LRIG3: variants seen among roughly 807,000 people sequenced by gnomAD.
LRIG3 encodes the protein leucine-rich repeats and immunoglobulin-like domains protein 3.
A neutral mutation model predicts 114.5 loss-of-function variants in LRIG3; 76 were observed. That is an observed-to-expected ratio of 0.66 (90% confidence interval 0.55 to 0.80). The LOEUF (loss-of-function observed/expected upper bound fraction) is 0.80, where lower values mean the gene tolerates loss of function less well. LRIG3 is among the 30% of genes least tolerant of loss of function. LRIG3 has a pLI of 0.00. For synonymous variants in LRIG3, 512 were observed against 519.8 expected (o/e 0.98, Z 0.20); for missense variants, 1,239 against 1,382.8 (o/e 0.90, Z 1.65).
intron 6 of LRIG3, 92 bp from the exon 7 acceptor site, chr12:58,888,564 C>T: frequency 6.7e-7 from 1 of 1,489,340 alleles, no homozygotes; most frequent in Non-Finnish European, 9.1e-7. Flanking sequence ...TTACAGATTC[C>T]TATTGTTATT....
intron 3 of LRIG3, among the ~76,000 whole-genome samples, chr12:58,903,631 G>A (rs1239292783): frequency 1.9e-4 from 29 of 151,884 alleles, no homozygotes; most frequent in African/African-American, 6.8e-4. Context: ...TGGACATGAA[G>A]TCCTTGCCCA....
intron 14 of LRIG3, 109 bp downstream of exon 14, chr12:58,878,715 C>T: frequency 7.9e-7 from 1 of 1,265,164 alleles, no homozygotes; most frequent in Non-Finnish European, 1.1e-6. Context: ...AGGCAATGCC[C>T]CATACATCTT....
At chr12:58,883,636 T>C (rs1293946157) in intron 10 of LRIG3, 45 bp from the exon 11 acceptor site, 3 of 1,438,432 alleles carry the variant, frequency 2.1e-6, no homozygotes, top group Non-Finnish European at 2.8e-6. Context: ...ACTACCATCA[T>C]TTCGTGCTTT....
rs768553949 is a variant in LRIG3 at position 58,890,649 on chromosome 12, A to G, written c.515+16T>C. On this transcript the variant is annotated intron_variant, in intron 4 of 18. Transcript: ENST00000320743. ...CATTACAGGTGAAAGTTTTTGCTAAAGAAAACTTCACTTACAGATATTTGA... is the reference window on the plus strand; with the variant it reads ...CATTACAGGTGAAAGTTTTTGCTAAGGAAAACTTCACTTACAGATATTTGA... 1.4e-5 allele frequency: 22 copies of G among 1,547,754 alleles called. No homozygotes were observed. The South Asian group carries it at 2.7e-4, about 19-fold the overall frequency.
rs1201103933 is a variant in LRIG3, at chr12:58,880,638, C to T, written c.1744G>A (p.Val582Ile). Residue 582 changes from valine to isoleucine, a missense_variant, in exon 13 of 19, where the codon GTC (valine) becomes ATC (isoleucine). Coordinates refer to ENST00000320743, the MANE Select transcript of LRIG3 (RefSeq NM_153377.5). ...GATGAACCAAAGTGATTGGAGATGA[C>T]ACACTGATATTTCCCCTCACTGGCA... is the stretch of plus-strand genomic sequence containing the variant. ...EFASEGKYQC[V>I]ISNHFGSSYS... 1 of 1,614,228 alleles carries T rather than the reference C, an allele frequency of 6.2e-7. No individual in the cohort carries two copies. The highest frequency in any genetic ancestry group is 1.7e-5 in the Admixed American group (1 of 60,032).
chr12:58,914,279 T>C lies in LRIG3; in HGVS notation c.294A>G (p.Gln98=), dbSNP rs767282409. ...FIKASSMSHL[Q]SLREVKLNNN... Reference sequence around the variant, plus strand: ...CGAAGACTCACACTTCTCGAAGGCTTTGAAGGTGGCTCATGGAACTTGCCT... The same window carrying C: ...CGAAGACTCACACTTCTCGAAGGCTCTGAAGGTGGCTCATGGAACTTGCCT... Residue 98 remains glutamine (Q), a synonymous_variant, in exon 2 of 19, where the codon CAA becomes CAG. Transcript: ENST00000320743. 6.2e-7 allele frequency: 1 copy of C among 1,614,034 alleles called. No homozygotes were observed. The highest frequency in any genetic ancestry group is 8.5e-7 in the Non-Finnish European group (1 of 1,179,938).
Position 58,885,819 on chromosome 12 carries a change from C to A in LRIG3, c.1244+12G>T. On this transcript the variant is annotated intron_variant, in intron 10 of 18. Transcript: ENST00000320743. ...GATTCTCTTTTAGGGTAACTAAATT[C>A]TAGCTACTCACAGATGCTCCAATGC... 1 of 1,543,084 alleles carries A rather than the reference C, an allele frequency of 6.5e-7. No individual in the cohort carries two copies. The highest frequency in any genetic ancestry group is 8.8e-7 in the Non-Finnish European group (1 of 1,134,426).
At chr12:58,903,432 T>A (rs1230840394) in intron 3 of LRIG3, among the ~76,000 whole-genome samples, 2 of 152,214 alleles carry the variant, frequency 1.3e-5, no homozygotes, top group Non-Finnish European at 2.9e-5. Flanking sequence ...TTCTTGTAAA[T>A]TTGTTTGAGT....
chr12:58,882,617 C>T (rs1361317969), intron 12 of LRIG3, among the ~76,000 whole-genome samples: 1 of 152,074 alleles, frequency 6.6e-6, no homozygotes, highest in Non-Finnish European at 1.5e-5. Flanking sequence ...TTCCATTCTC[C>T]CAAGATCCAA....
At chr12:58,901,202 A>G (rs1871836160) in intron 3 of LRIG3, among the ~76,000 whole-genome samples, 1 of 152,224 alleles carries the variant, frequency 6.6e-6, no homozygotes, top group Admixed American at 6.5e-5. Context: ...AGTGACAACA[A>G]GCTTACTAAT....
intron 10 of LRIG3, among the ~76,000 whole-genome samples, chr12:58,885,488 G>T (rs1363752628): frequency 6.6e-6 from 1 of 151,622 alleles, no homozygotes; most frequent in African/African-American, 2.4e-5. Context: ...TGAATATGTG[G>T]TACAATGCCT....
Position 58,872,509 on chromosome 12 carries a change from T to G in LRIG3, c.*63A>C. Reference sequence around the variant, plus strand: ...TCCATTTAAAAAACATAAGATTCTCTCTCTTTTAAATAAAAGTTCACTTGA... The same window carrying G: ...TCCATTTAAAAAACATAAGATTCTCGCTCTTTTAAATAAAAGTTCACTTGA... On this transcript the variant is annotated 3_prime_UTR_variant, in exon 19 of 19. Coordinates refer to ENST00000320743, the MANE Select transcript of LRIG3 (RefSeq NM_153377.5). The G allele has an allele frequency of 1.4e-6, 2 of 1,459,810 alleles. No homozygotes were observed. The highest frequency in any genetic ancestry group is 3.1e-5 in the South Asian group (2 of 64,662). The allele number at this position is 1,459,810 out of a possible 1,614,324, so 90.4% of individuals were successfully genotyped here. A position where few individuals can be genotyped will look rare whatever the true frequency, so the allele number is the denominator to read the frequency against.
intron 7 of LRIG3, 145 bp downstream of exon 7, chr12:58,888,184 C>T: frequency 2.3e-5 from 24 of 1,047,310 alleles, no homozygotes; most frequent in Non-Finnish European, 3.2e-5. Flanking sequence ...CTTATCACAA[C>T]AAAAATAAGA....
intron 3 of LRIG3, among the ~76,000 whole-genome samples, chr12:58,896,098 T>C (rs1387414924): frequency 6.6e-6 from 1 of 152,202 alleles, no homozygotes. Flanking sequence ...AGCCCAATAC[T>C]GGCATTTTAA....
At chr12:58,913,945 C>A in intron 3 of LRIG3, 37 bp downstream of exon 3, 3 of 1,571,366 alleles carry the variant, frequency 1.9e-6, no homozygotes, top group South Asian at 1.2e-5. Flanking sequence ...AAGGTTCCTG[C>A]AAACATACAT....
chr12:58,902,823 G>T (rs367703220), intron 3 of LRIG3, among the ~76,000 whole-genome samples: 1 of 148,266 alleles, frequency 6.7e-6, no homozygotes, highest in South Asian at 2.1e-4. Flanking sequence ...TGCAGTGTTT[G>T]GTTTTTCATC....
At position 58,880,082 on chromosome 12, in the gene LRIG3, G is replaced by C. The variant is rs796374190; in HGVS notation, c.1801+499C>G. ...GAGGCCAAGGTGGGCAGATCACAAG[G>C]TCAGGCGTTCGAGACCAGCCTGACC... On this transcript the variant is annotated intron_variant, in intron 13 of 18. Transcript: ENST00000320743. Among the ~76,000 whole-genome samples, 3 of 152,148 alleles carry C rather than the reference G, an allele frequency of 2.0e-5. No individual in the cohort carries two copies. In the South Asian group the frequency reaches 6.2e-4, roughly 31 times the overall value.
intron 3 of LRIG3, among the ~76,000 whole-genome samples, chr12:58,899,568 G>T (rs1871768115): frequency 6.6e-6 from 1 of 151,254 alleles, no homozygotes. Context: ...ATGTTTTTCT[G>T]ATTTTGTGGA....
At position 58,888,397 on chromosome 12, in the gene LRIG3, A is replaced by C; in HGVS notation, c.879T>G (p.His293Gln). 6.2e-7 allele frequency: 1 copy of C among 1,613,862 alleles called. No individual in the cohort carries two copies. The highest frequency in any genetic ancestry group is 8.5e-7 in the Non-Finnish European group (1 of 1,179,848). ...TCCTGTTGATGGCATTTTGGCTGAG[A>C]TGAAGTTCCTGCAGCATCAGCAAGC... ...LYGLLMLQELHLSQNAINRIS... is the reference protein window; with the variant it reads ...LYGLLMLQELQLSQNAINRIS... Residue 293 changes from histidine to glutamine, a missense_variant, in exon 7 of 19, where the codon CAT (histidine) becomes CAG (glutamine). Transcript: ENST00000320743.
Sources: allele counts gnomAD v4.1 joint callset (sites outside exome capture counted in the v4.1 genomes callset), GRCh38; gene constraint gnomAD v4.1.1; transcripts MANE v1.5; gene names NCBI Gene and HGNC (gene_info 2026-07-23, HGNC 2026-07-21).